Variants in DCAF4 observed in about 807,000 individuals in gnomAD.
DCAF4 encodes DDB1- and CUL4-associated factor 4.
A neutral mutation model predicts 60.9 loss-of-function variants in DCAF4; 37 were observed. That is an observed-to-expected ratio of 0.61 (90% confidence interval 0.47 to 0.80). DCAF4 has a LOEUF of 0.80. Among genes scored for constraint, DCAF4 ranks in the 30% least tolerant of loss-of-function variants. The pLI is 0.00. For missense variants in DCAF4, 577 were observed against 650.0 expected (o/e 0.89, Z 1.22); for synonymous variants, 243 against 254.8 (o/e 0.95, Z 0.44).
At chr14:72,927,944 C>G (rs1260654575) in intron 1 of DCAF4, among the ~76,000 whole-genome samples, 1 of 152,104 alleles carries the variant, frequency 6.6e-6, no homozygotes, top group Non-Finnish European at 1.5e-5. Context: ...GCATGCACCA[C>G]CACACCCGGC....
intron 1 of DCAF4, among the ~76,000 whole-genome samples, chr14:72,937,709 G>A (rs888940931): frequency 5.3e-5 from 8 of 152,128 alleles, no homozygotes; most frequent in East Asian, 1.9e-4. Context: ...ATGAGCCACC[G>A]CGCCTGGCCG....
At chr14:72,943,556 T>C (rs1890329623) in intron 6 of DCAF4, among the ~76,000 whole-genome samples, 1 of 152,018 alleles carries the variant, frequency 6.6e-6, no homozygotes, top group African/African-American at 2.4e-5. Context: ...CAGTGGCACC[T>C]CCCATCAACA....
intron 13 of DCAF4, 135 bp downstream of exon 13, chr14:72,956,635 G>T: frequency 1.3e-6 from 1 of 779,870 alleles, no homozygotes. Context: ...CAGCTGGGTG[G>T]GGAGACTAGG....
At chr14:72,937,949 T>C in intron 1 of DCAF4, 22 bp from the exon 2 acceptor site, 1 of 1,571,980 alleles carries the variant, frequency 6.4e-7, no homozygotes, top group South Asian at 1.2e-5. Flanking sequence ...GATGTATGGA[T>C]TTTTTTGTTT....
Position 72,927,413 on chromosome 14 carries a change from A to G in DCAF4, c.-9+870A>G, listed in dbSNP as rs375554291. On this transcript the variant is annotated intron_variant, in intron 1 of 13. Coordinates refer to ENST00000358377, the MANE Select transcript of DCAF4 (RefSeq NM_015604.4). ...GTCGCCCAGGCTGGAGTGCAGTGGC[A>G]CGATCTCGACTCACTGCAGCCTCCG... is the stretch of plus-strand genomic sequence containing the variant. 8.5e-3 allele frequency among the ~76,000 whole-genome samples: 1,160 copies of G among 137,248 alleles called. 5 individuals are homozygous for G. Among genetic ancestry groups the G allele is most frequent in the South Asian group, 0.014 (59 of 4,360 alleles). 90.0% of individuals were successfully genotyped at this position (137,248 alleles called of 152,430 possible).
chr14:72,930,082 G>T (rs1222181671), intron 1 of DCAF4, among the ~76,000 whole-genome samples: 1 of 152,218 alleles, frequency 6.6e-6, no homozygotes, highest in Non-Finnish European at 1.5e-5. Flanking sequence ...CGGGAGCGGA[G>T]ATCGCGCCAC....
intron 1 of DCAF4, 142 bp from the exon 2 acceptor site, chr14:72,937,829 G>T: frequency 6.9e-6 from 9 of 1,308,708 alleles, no homozygotes; most frequent in South Asian, 1.8e-5. Flanking sequence ...CCCAGGTAAG[G>T]CTTGCTGTGG....
At chr14:72,947,224 C>T in intron 8 of DCAF4, 33 bp downstream of exon 8, 2 of 1,613,202 alleles carry the variant, frequency 1.2e-6, no homozygotes, top group Non-Finnish European at 1.7e-6. Context: ...GTTTGGTGGG[C>T]AGGCCACACC....
chr14:72,938,173 G>C, intron 2 of DCAF4, 103 bp downstream of exon 2: 1 of 1,428,152 alleles, frequency 7.0e-7, no homozygotes, highest in Non-Finnish European at 9.3e-7. Flanking sequence ...CTGGGGGCTC[G>C]TCCCAATGCA....
Position 72,955,528 on chromosome 14 carries a change from T to C in DCAF4, c.1011T>C (p.Pro337=). ...AGCAGTCCCTCTTTCCACAGGCTCC[T>C]CTGCTGTTTAATGGCTGCCGCTCTG... ...VLAQQFALMA[P]LLFNGCRSGE... The change falls in exon 12 of 14, where the codon CCT becomes CCC. Residue 337 remains proline, a synonymous_variant. Transcript: ENST00000358377. 4 of 1,613,750 alleles carry C rather than the reference T, an allele frequency of 2.5e-6. No individual in the cohort carries two copies. The highest frequency in any genetic ancestry group is 3.4e-6 in the Non-Finnish European group (4 of 1,179,736).
Position 72,928,187 on chromosome 14 carries a change from C to CTTTTTTTTTTTTTTTTTTTT in DCAF4, c.-9+1648_-9+1667dup, listed in dbSNP as rs565229070. Among the ~76,000 whole-genome samples, 478 of 67,258 alleles carry CTTTTTTTTTTTTTTTTTTTT rather than the reference C, an allele frequency of 7.1e-3. 67 individuals carry two copies. Among genetic ancestry groups the CTTTTTTTTTTTTTTTTTTTT allele is most frequent in the Middle Eastern group, 0.017 (1 of 60 alleles). The allele number at this position is 67,258 out of a possible 152,430, so 44.1% of individuals were successfully genotyped here. A position where few individuals can be genotyped will look rare whatever the true frequency, so the allele number is the denominator to read the frequency against. On this transcript the variant is annotated intron_variant, in intron 1 of 13. Transcript: ENST00000358377. ...CCCGCTAGTCTACAGAATCCCCCCA[C>CTTTTTTTTTTTTTTTTTTTT]TTTTTTTTTTTTTTTTTTTTTTTGA...
chr14:72,958,889 T>C lies in DCAF4; in HGVS notation c.*84T>C, dbSNP rs1014759697. ...TTTTACTGCATCTAATGAGGGTGTT[T>C]TAAGTGACACTCAGTGTACACAGAT... is the stretch of plus-strand genomic sequence containing the variant. On this transcript the variant is annotated 3_prime_UTR_variant, in exon 14 of 14. Transcript: ENST00000358377. 4.7e-6 allele frequency: 7 copies of C among 1,497,536 alleles called. No homozygotes were observed. Among genetic ancestry groups the C allele is most frequent in the Non-Finnish European group, 6.2e-6 (7 of 1,129,664 alleles). The allele number at this position is 1,497,536 out of a possible 1,614,324, so 92.8% of individuals were successfully genotyped here.
intron 1 of DCAF4, among the ~76,000 whole-genome samples, chr14:72,927,562 A>G (rs1887773345): frequency 6.6e-6 from 1 of 152,022 alleles, no homozygotes. Flanking sequence ...CGTGTTAGCC[A>G]GGATGGTCTC....
In DCAF4 at chr14:72,940,288, T is replaced by C. The variant is rs764482723; in HGVS notation, c.262T>C (p.Cys88Arg). ...YFRLLPGHNN[C>R]NPLTKESIRQ... ...CCGCTTGCTCCCTGGACATAACAAC[T>C]GCAACCCCCTGACGAAAGAGAGCAT... The change falls in exon 4 of 14, where the codon TGC becomes CGC. Residue 88 changes from cysteine (C) to arginine (R), a missense_variant. Cys to Arg is a radical substitution (Grantham distance 180). Coordinates refer to ENST00000358377, the MANE Select transcript of DCAF4 (RefSeq NM_015604.4). 8.1e-6 allele frequency: 13 copies of C among 1,614,018 alleles called. No individual in the cohort carries two copies. Among genetic ancestry groups the C allele is most frequent in the Non-Finnish European group, 1.1e-5 (13 of 1,180,036 alleles).
intron 1 of DCAF4, among the ~76,000 whole-genome samples, chr14:72,935,629 C>T (rs1402426635): frequency 6.6e-6 from 1 of 152,192 alleles, no homozygotes; most frequent in Non-Finnish European, 1.5e-5. Flanking sequence ...GATTGCAGTG[C>T]CTGTATGAGT....
chr14:72,947,325 T>C, intron 8 of DCAF4, 134 bp downstream of exon 8: 1 of 1,058,458 alleles, frequency 9.4e-7, no homozygotes, highest in South Asian at 1.3e-5. Context: ...TCTCACGCTT[T>C]AGAAAAAAAA....
Position 72,956,493 on chromosome 14 carries a change from G to C in DCAF4, c.1287G>C (p.Leu429=). The C allele has an allele frequency of 3.1e-6, 5 of 1,611,208 alleles. No homozygotes were observed. The highest frequency in any genetic ancestry group is 4.2e-6 in the Non-Finnish European group (5 of 1,178,714). ...PLHVHEEEGI[L]VAVGQDCYTR... ...ATGTGCACGAGGAAGAAGGAATCCT[G>C]GTGGCAGGTACTTGAGGAAGGAAGG... The change falls in exon 13 of 14, where the codon CTG becomes CTC. Residue 429 remains leucine (L), a synonymous_variant. Transcript: ENST00000358377.
intron 1 of DCAF4, among the ~76,000 whole-genome samples, chr14:72,934,355 T>C (rs1309269255): frequency 1.3e-5 from 2 of 152,124 alleles, no homozygotes; most frequent in East Asian, 3.9e-4. Context: ...GGTTTCTCCA[T>C]GTTGGTCAGG....
Position 72,958,681 on chromosome 14 carries a change from C to T in DCAF4, c.1364C>T (p.Pro455Leu), listed in dbSNP as rs367672481. The change falls in exon 14 of 14, where the codon CCG (proline) becomes CTG (leucine). Residue 455 changes from proline (P) to leucine (L), a missense_variant. By Grantham distance (98) the Pro-to-Leu change is moderately conservative. Coordinates refer to ENST00000358377, the MANE Select transcript of DCAF4 (RefSeq NM_015604.4). ...DARLLRTIPS[P>L]YPASKADIPS... ...CGCCTACTGAGAACCATACCCTCCC[C>T]GTACCCTGCCTCCAAGGCCGACATT... The T allele has an allele frequency of 6.2e-6, 10 of 1,614,132 alleles. No homozygotes were observed. The highest frequency in any genetic ancestry group is 2.2e-5 in the East Asian group (1 of 44,896).
Sources: gnomAD v4.1 joint callset for allele counts (sites outside exome capture counted in the v4.1 genomes callset) on GRCh38, gnomAD v4.1.1 for gene constraint, MANE v1.5 for transcripts, NCBI Gene and HGNC (gene_info 2026-07-23, HGNC 2026-07-21) for gene names.